Variants in ST8SIA6 observed in about 807,000 individuals in gnomAD.
ST8SIA6 encodes ST8 alpha-N-acetyl-neuraminide alpha-2,8-sialyltransferase 6.
ST8SIA6 carries 39 observed loss-of-function variants against 33.6 expected under a neutral mutation model. The observed-to-expected ratio is 1.16, with a 90% CI of 0.90 to 1.52. The LOEUF is 1.52. ST8SIA6 is among the 40% of genes most tolerant of loss of function. ST8SIA6 has a pLI of 0.00. For missense variants in ST8SIA6, 441 were observed against 443.8 expected (o/e 0.99, Z 0.06); for synonymous variants, 172 against 167.2 (o/e 1.03, Z -0.22).
At chr10:17,352,250 G>A (rs1325853789) in intron 4 of ST8SIA6, among the ~76,000 whole-genome samples, 1 of 152,110 alleles carries the variant, frequency 6.6e-6, no homozygotes. Context: ...CAACTCAGAT[G>A]TCTAAGTTTT....
chr10:17,332,774 T>C (rs1342872459), intron 4 of ST8SIA6, among the ~76,000 whole-genome samples: 1 of 152,230 alleles, frequency 6.6e-6, no homozygotes, highest in Non-Finnish European at 1.5e-5. Flanking sequence ...CCTGAGATGG[T>C]ATTTCACTGT....
chr10:17,366,107 C>T (rs1849550904), intron 3 of ST8SIA6, among the ~76,000 whole-genome samples: 1 of 152,154 alleles, frequency 6.6e-6, no homozygotes, highest in Admixed American at 6.5e-5. Context: ...GAAAGCCAAA[C>T]TAGGAGAAGT....
chr10:17,324,750 T>C (rs972187456), intron 6 of ST8SIA6, among the ~76,000 whole-genome samples: 1 of 138,378 alleles, frequency 7.2e-6, no homozygotes, highest in African/African-American at 3.1e-5. Flanking sequence ...AACAGTAGTA[T>C]AGGTCATGGT....
At chr10:17,442,701 C>T (rs1468868560) in intron 2 of ST8SIA6, among the ~76,000 whole-genome samples, 1 of 152,192 alleles carries the variant, frequency 6.6e-6, no homozygotes, top group Non-Finnish European at 1.5e-5. Flanking sequence ...TGTTAATATA[C>T]AGTCTGCCTT....
chr10:17,408,138 C>G (rs1175847492), intron 2 of ST8SIA6: 2 of 152,608 alleles, frequency 1.3e-5, no homozygotes, highest in African/African-American at 4.8e-5. Flanking sequence ...AGGCTCCGCT[C>G]TGGATCCAGC....
intron 2 of ST8SIA6, among the ~76,000 whole-genome samples, chr10:17,423,444 AC>A (rs1851840625): frequency 6.6e-6 from 1 of 152,176 alleles, no homozygotes; most frequent in Admixed American, 6.5e-5. Flanking sequence ...GAGTCTAGAG[AC>A]CTCATGTCTG....
intron 3 of ST8SIA6, among the ~76,000 whole-genome samples, chr10:17,384,738 G>A (rs1337441378): frequency 2.6e-5 from 4 of 152,112 alleles, no homozygotes; most frequent in Non-Finnish European, 5.9e-5. Flanking sequence ...AACTTAAGAA[G>A]AAAATAACAG....
At chr10:17,326,845 T>G (rs1227296396) in intron 6 of ST8SIA6, among the ~76,000 whole-genome samples, 169 bp downstream of exon 6, 1 of 152,218 alleles carries the variant, frequency 6.6e-6, no homozygotes, top group Non-Finnish European at 1.5e-5. Context: ...ATTGACATTC[T>G]GAGGAACTCA....
At chr10:17,443,216 C>G (rs1004448589) in intron 2 of ST8SIA6, among the ~76,000 whole-genome samples, 1 of 152,012 alleles carries the variant, frequency 6.6e-6, no homozygotes, top group Non-Finnish European at 1.5e-5. Context: ...TTATAAAATA[C>G]GTATTATAGA....
At chr10:17,432,360 A>G (rs1852127335) in intron 2 of ST8SIA6, among the ~76,000 whole-genome samples, 1 of 152,316 alleles carries the variant, frequency 6.6e-6, no homozygotes, top group Non-Finnish European at 1.5e-5. Flanking sequence ...GGAAGGGGAC[A>G]CTAGTTCTGA....
At chr10:17,411,172 T>TTG (rs72283269) in intron 2 of ST8SIA6, among the ~76,000 whole-genome samples, 5,977 of 150,030 alleles carry the variant, frequency 0.04, 175 homozygotes, top group African/African-American at 0.086. Context: ...CTTGAACTCT[T>TTG]TGTGTGTGTG....
chr10:17,327,455 T>C (rs1848170564), intron 5 of ST8SIA6, among the ~76,000 whole-genome samples: 1 of 151,930 alleles, frequency 6.6e-6, no homozygotes, highest in African/African-American at 2.4e-5. Flanking sequence ...GGCGTGGTGG[T>C]GGGTGCCTGT....
rs972910799 is a variant in ST8SIA6, at chr10:17,323,237, A to G, written c.636-80T>C. 2.7e-5 allele frequency: 21 copies of G among 770,816 alleles called. 1 individual carries two copies. Among genetic ancestry groups the G allele is most frequent in the East Asian group, 8.3e-5 (3 of 36,124 alleles). The allele number at this position is 770,816 out of a possible 1,614,324, so 47.7% of individuals were successfully genotyped here. A position where few individuals can be genotyped will look rare whatever the true frequency, so the allele number is the denominator to read the frequency against. ...TATACACACATATGCGCGCACACACACACACACACACACCTATCTATAATA... is the reference window on the plus strand; with the variant it reads ...TATACACACATATGCGCGCACACACGCACACACACACACCTATCTATAATA... On this transcript the variant is annotated intron_variant, in intron 6 of 7. Transcript: ENST00000377602.
intron 2 of ST8SIA6, among the ~76,000 whole-genome samples, chr10:17,425,714 GGGAAGGAAGGAAGGA>G (rs1851916965): frequency 7.3e-6 from 1 of 136,940 alleles, no homozygotes; most frequent in African/African-American, 2.6e-5. Context: ...GAGGAAGGAA[GGGAAGGAAGGAAGGA>G]GGAAGGAAGG....
chr10:17,325,413 T>C (rs1435747906), intron 6 of ST8SIA6, among the ~76,000 whole-genome samples: 1 of 123,130 alleles, frequency 8.1e-6, no homozygotes, highest in Admixed American at 8.3e-5. Context: ...TGTGATTATA[T>C]ATATTACTAC....
At chr10:17,450,051 G>C (rs1056339399) in intron 2 of ST8SIA6, among the ~76,000 whole-genome samples, 1 of 152,180 alleles carries the variant, frequency 6.6e-6, no homozygotes, top group African/African-American at 2.4e-5. Flanking sequence ...GTTTTTATAT[G>C]TTTAGATGAG....
intron 2 of ST8SIA6, among the ~76,000 whole-genome samples, chr10:17,393,240 G>A (rs1361249710): frequency 6.6e-6 from 1 of 152,138 alleles, no homozygotes; most frequent in African/African-American, 2.4e-5. Context: ...ACTGAGCTAC[G>A]CCACTGGCTT....
At chr10:17,336,793 C>T (rs542906545) in intron 4 of ST8SIA6, among the ~76,000 whole-genome samples, 2 of 152,014 alleles carry the variant, frequency 1.3e-5, no homozygotes, top group African/African-American at 4.8e-5. Flanking sequence ...GGGGTTTCAC[C>T]ATGTTGGCCA....
At chr10:17,327,240 C>T (rs182852436) in intron 5 of ST8SIA6, 114 bp from the exon 6 acceptor site, 31 of 725,766 alleles carry the variant, frequency 4.3e-5, no homozygotes, top group Non-Finnish European at 6.3e-5. Context: ...AGAATACGAA[C>T]AAGAAAAAGC....
Sources: gnomAD v4.1 joint callset for allele counts (sites outside exome capture counted in the v4.1 genomes callset) on GRCh38, gnomAD v4.1.1 for gene constraint, MANE v1.5 for transcripts, NCBI Gene and HGNC (gene_info 2026-07-23, HGNC 2026-07-21) for gene names.